SPTA1: variants seen among roughly 807,000 people sequenced by gnomAD.
SPTA1 encodes the protein spectrin alpha, erythrocytic 1.
A neutral mutation model predicts 324.7 loss-of-function variants in SPTA1; 177 were observed. That is an observed-to-expected ratio of 0.55 (90% CI 0.48 to 0.62). SPTA1 has a LOEUF of 0.62. Among genes scored for constraint, SPTA1 ranks in the 20% least tolerant of loss-of-function variants. The pLI, the probability that SPTA1 is intolerant of heterozygous loss-of-function variation, is 0.00. For synonymous variants in SPTA1, 1,195 were observed against 1,041.3 expected (o/e 1.15, Z -2.84); for missense variants, 3,162 against 2,883.6 (o/e 1.10, Z -2.21).
chr1:158,626,462 G>T (rs1283922413), intron 41 of SPTA1, among the ~76,000 whole-genome samples: 1 of 152,108 alleles, frequency 6.6e-6, no homozygotes, highest in African/African-American at 2.4e-5. Context: ...AAAAAAAAGA[G>T]AAATTGTAGA....
chr1:158,619,552 C>T (rs1345956912), intron 44 of SPTA1, among the ~76,000 whole-genome samples: 2 of 152,150 alleles, frequency 1.3e-5, no homozygotes, highest in South Asian at 2.1e-4. Context: ...TTGCAGGGTC[C>T]TCTAAGACCA....
rs184539311 is a variant in SPTA1, at chr1:158,635,444, C to A, written c.5432+469G>T. On this transcript the variant is annotated intron_variant, in intron 38 of 51. Coordinates refer to ENST00000643759, the MANE Select transcript of SPTA1 (RefSeq NM_003126.4). ...ATGAAACTATGAGTGAATTAAACTTCTTTTCTTCATAAATACCCAGTCTCG... is the reference window on the plus strand; with the variant it reads ...ATGAAACTATGAGTGAATTAAACTTATTTTCTTCATAAATACCCAGTCTCG... Among the ~76,000 whole-genome samples the A allele has an allele frequency of 1.2e-4, 19 of 152,166 alleles. No individual in the cohort carries two copies. The East Asian group carries it at 3.7e-3, about 29-fold the overall frequency.
At chr1:158,683,614 A>AGGCCTC in intron 2 of SPTA1, 118 bp from the exon 3 acceptor site, 1 of 1,360,052 alleles carries the variant, frequency 7.4e-7, no homozygotes, top group Admixed American at 1.9e-5. Context: ...AGAGGCCATA[A>AGGCCTC]AGAGTATTTT....
At chr1:158,644,454 T>C in intron 29 of SPTA1, 58 bp from the exon 30 acceptor site, 2 of 1,596,486 alleles carry the variant, frequency 1.3e-6, no homozygotes, top group Non-Finnish European at 1.7e-6. Flanking sequence ...GAGGAAATGA[T>C]GTTACACCTC....
At chr1:158,659,595 A>ATTATTTTTTT (rs1345384278) in intron 18 of SPTA1, among the ~76,000 whole-genome samples, 5 of 68,778 alleles carry the variant, frequency 7.3e-5, no homozygotes, top group South Asian at 9.1e-4. Context: ...TCTTAGCATT[A>ATTATTTTTTT]TTTTTTTTTT....
In SPTA1 at chr1:158,676,305, G is replaced by T. The variant is rs12085628; in HGVS notation, c.958-10C>A. ...CACATAACTCCTTCACCTTTGGGAT[G>T]AAAAAGAAACCTAGTAGGAAATCCA... On this transcript the variant is annotated splice_polypyrimidine_tract_variant and intron_variant, in intron 7 of 51. Transcript: ENST00000643759. 4.1e-3 allele frequency: 6,609 copies of T among 1,613,068 alleles called. 227 individuals carry two copies. In the African/African-American group the frequency reaches 0.077, roughly 19 times the overall value.
At chr1:158,620,490 T>G (rs1649838715) in intron 43 of SPTA1, 24 bp from the exon 44 acceptor site, 2 of 1,611,880 alleles carry the variant, frequency 1.2e-6, no homozygotes, top group Non-Finnish European at 1.7e-6. Flanking sequence ...AAAAAGACAC[T>G]ACCATCTTTC....
intron 23 of SPTA1, 114 bp downstream of exon 23, chr1:158,652,353 T>C (rs1652504818): frequency 2.4e-6 from 3 of 1,246,558 alleles, no homozygotes; most frequent in Non-Finnish European, 3.5e-6. Flanking sequence ...GAGTTGCCAA[T>C]AGCTTTGGGG....
At chr1:158,618,515 C>A (rs1010713880) in intron 45 of SPTA1, among the ~76,000 whole-genome samples, 1 of 152,172 alleles carries the variant, frequency 6.6e-6, no homozygotes, top group Non-Finnish European at 1.5e-5. Flanking sequence ...TTTGACACAC[C>A]TACTGGATAC....
intron 2 of SPTA1, among the ~76,000 whole-genome samples, chr1:158,684,304 G>A (rs573735249): frequency 1.3e-5 from 2 of 152,092 alleles, no homozygotes; most frequent in African/African-American, 4.8e-5. Context: ...TAACTAAATT[G>A]GATTTTAGTT....
chr1:158,677,220 A>G (rs1557989760), intron 7 of SPTA1, among the ~76,000 whole-genome samples: 2 of 152,172 alleles, frequency 1.3e-5, no homozygotes, highest in South Asian at 4.1e-4. Flanking sequence ...GGAAACCTAA[A>G]GGTAGGTTTA....
At chr1:158,682,246 T>C (rs935590698) in intron 3 of SPTA1, among the ~76,000 whole-genome samples, 2 of 152,200 alleles carry the variant, frequency 1.3e-5, no homozygotes, top group Non-Finnish European at 2.9e-5. Flanking sequence ...TAACTGAAAT[T>C]GCCACCTATG....
rs325995 is a variant in SPTA1, at chr1:158,677,841, T to A, written c.813-7A>T. 1,597,130 of 1,613,432 alleles carry A rather than the reference T, an allele frequency of 0.99. 791,166 individuals are homozygous for A. The highest frequency in any genetic ancestry group is 1 in the East Asian group (44,859 of 44,860). ...GATGGCTTCAGTCACATCCCTGCAGTCATTAACAAGAGCTCCAACCAAAGA... is the reference window on the plus strand; with the variant it reads ...GATGGCTTCAGTCACATCCCTGCAGACATTAACAAGAGCTCCAACCAAAGA... On this transcript the variant is annotated splice_region_variant and splice_polypyrimidine_tract_variant and intron_variant, in intron 6 of 51. Coordinates refer to ENST00000643759, the MANE Select transcript of SPTA1 (RefSeq NM_003126.4).
chr1:158,627,064 C>G, intron 40 of SPTA1, 57 bp from the exon 41 acceptor site: 1 of 1,597,658 alleles, frequency 6.3e-7, no homozygotes, highest in African/African-American at 1.3e-5. Context: ...AAATGTGAAT[C>G]CATTAGTACC....
intron 46 of SPTA1, 101 bp downstream of exon 46, chr1:158,617,938 G>T: frequency 1.7e-6 from 2 of 1,146,202 alleles, no homozygotes; most frequent in South Asian, 1.3e-5. Flanking sequence ...CATACTACCA[G>T]ATTACAATGG....
Position 158,615,325 on chromosome 1 carries a change from G to C in SPTA1, c.6679C>G (p.Leu2227Val), listed in dbSNP as rs750853080. The change falls in exon 48 of 52, where the codon CTG becomes GTG. Residue 2227 changes from leucine to valine, a missense_variant. By Grantham distance (32) the Leu-to-Val change is conservative. Coordinates refer to ENST00000643759, the MANE Select transcript of SPTA1 (RefSeq NM_003126.4). ...GTGCTGTATTTGATATCAAGGATCA[G>C]AGCGTCTTCCAAGTTGTCCCCCAGG... ...VDLGDNLEDA[L>V]ILDIKYSTIG... 6.2e-7 allele frequency: 1 copy of C among 1,613,976 alleles called. No individual in the cohort carries two copies. Among genetic ancestry groups the C allele is most frequent in the African/African-American group, 1.3e-5 (1 of 74,914 alleles).
chr1:158,677,645 C>A, intron 7 of SPTA1, 45 bp downstream of exon 7: 1 of 1,609,572 alleles, frequency 6.2e-7, no homozygotes. Context: ...CAACAATTGC[C>A]TCTTCTAGCT....
intron 29 of SPTA1, 56 bp from the exon 30 acceptor site, chr1:158,644,452 GAT>G: frequency 1.3e-6 from 2 of 1,598,244 alleles, no homozygotes; most frequent in South Asian, 2.2e-5. Context: ...TGGAGGAAAT[GAT>G]GTTACACCTC....
Position 158,634,675 on chromosome 1 carries a change from T to C in SPTA1, c.5433A>G (p.Arg1811=), listed in dbSNP as rs1197414490. Residue 1811 remains arginine, a splice_region_variant and synonymous_variant, in exon 39 of 52, where the codon CGA becomes CGG. Transcript: ENST00000643759. ...CTAGGGATTCTTCCAACTTAAGTCC[T>C]CTATAACAAGGTGGCAAGCCCCAGT... ...WEKLKELAKA[R]GLKLEESLEY... is the part of the protein sequence containing the mutation. The C allele has an allele frequency of 6.2e-7, 1 of 1,614,080 alleles. No homozygotes were observed. The highest frequency in any genetic ancestry group is 1.1e-5 in the South Asian group (1 of 91,082).
Sources: gnomAD v4.1 joint callset for allele counts (sites outside exome capture counted in the v4.1 genomes callset) on GRCh38, gnomAD v4.1.1 for gene constraint, MANE v1.5 for transcripts, NCBI Gene and HGNC (gene_info 2026-07-23, HGNC 2026-07-21) for gene names.